LEPR: variants seen among roughly 807,000 people sequenced by gnomAD.
The protein encoded by LEPR is OB receptor.
Under a neutral mutation model 114.7 loss-of-function variants are expected in LEPR, and 56 were observed. That is an observed-to-expected ratio of 0.49 (90% CI 0.39 to 0.61). The LOEUF (loss-of-function observed/expected upper bound fraction) is 0.61. Ranked by LOEUF, LEPR falls within the 20% of genes least tolerant of loss-of-function variation. The probability of loss-of-function intolerance (pLI) is 0.00; values close to 1 mark genes in which losing one functional copy is unlikely to be tolerated. For missense variants in LEPR, 1,202 were observed against 1,352.9 expected, an observed-to-expected ratio of 0.89 and a Z score of 1.75; for synonymous variants, 443 against 461.4, an observed-to-expected ratio of 0.96 and a Z score of 0.51.
rs181911242 is a variant in LEPR, at chr1:65,516,956, C to T, written c.-20-48590C>T. Among the ~76,000 whole-genome samples, 6 of 152,258 alleles carry T rather than the reference C, an allele frequency of 3.9e-5. No homozygotes were observed. In the East Asian group the frequency reaches 7.7e-4, roughly 20 times the overall value. ...CAGAGCAATTGTAGCAACACGAAAT[C>T]GCAAAAGAAAGACAAAGCTTCATGG... On this transcript the variant is annotated intron_variant, in intron 2 of 19. Transcript: ENST00000349533.
At chr1:65,609,156 A>G (rs973408420) in intron 12 of LEPR, among the ~76,000 whole-genome samples, 14 of 152,348 alleles carry the variant, frequency 9.2e-5, no homozygotes, top group African/African-American at 3.1e-4. Context: ...TTAAATGGCT[A>G]AATCAGTTTA....
chr1:65,433,491 A>G, intron 2 of LEPR: 1 of 985,428 alleles, frequency 1.0e-6, no homozygotes, highest in Non-Finnish European at 1.2e-6. Context: ...GTCTTTAAGC[A>G]TTGTTAAAGT....
intron 2 of LEPR, among the ~76,000 whole-genome samples, chr1:65,449,994 A>C (rs1222443707): frequency 6.6e-6 from 1 of 152,056 alleles, no homozygotes; most frequent in Non-Finnish European, 1.5e-5. Context: ...AATTTCTCTG[A>C]GATTTCTCTT....
At chr1:65,606,366 T>A (rs2100953897) in intron 11 of LEPR, among the ~76,000 whole-genome samples, 1 of 152,262 alleles carries the variant, frequency 6.6e-6, no homozygotes, top group South Asian at 2.1e-4. Context: ...GTAACATATG[T>A]TACTTGAATA....
chr1:65,547,767 T>G (rs1193689462), intron 2 of LEPR, among the ~76,000 whole-genome samples: 1 of 127,018 alleles, frequency 7.9e-6, no homozygotes, highest in Non-Finnish European at 1.7e-5. Context: ...AGCTCCTGGA[T>G]TCATTAATTT....
At chr1:65,453,883 G>T (rs1646826098) in intron 2 of LEPR, among the ~76,000 whole-genome samples, 1 of 151,538 alleles carries the variant, frequency 6.6e-6, no homozygotes, top group African/African-American at 2.4e-5. Context: ...ACAGTGGGGT[G>T]TTAAAGTCTC....
At chr1:65,459,754 A>T (rs1184557219) in intron 2 of LEPR, among the ~76,000 whole-genome samples, 2 of 152,110 alleles carry the variant, frequency 1.3e-5, no homozygotes, top group Non-Finnish European at 2.9e-5. Context: ...ACCTATAATG[A>T]TTTACTCTCT....
At chr1:65,433,158 T>C in intron 2 of LEPR, 3 of 985,448 alleles carry the variant, frequency 3.0e-6, no homozygotes, top group Non-Finnish European at 3.6e-6. Context: ...CCCCAGCTCC[T>C]TCCCTCTGCC....
chr1:65,498,013 CCT>C (rs1352070868), intron 2 of LEPR, among the ~76,000 whole-genome samples: 1 of 152,068 alleles, frequency 6.6e-6, no homozygotes, highest in African/African-American at 2.4e-5. Flanking sequence ...GTTACTGTCC[CCT>C]GTCCCTGATA....
Position 65,420,750 on chromosome 1 carries a change from G to A in LEPR, c.-97+10G>A, listed in dbSNP as rs752047665. The A allele has an allele frequency of 1.3e-6, 2 of 1,579,946 alleles. No homozygotes were observed. Among genetic ancestry groups the A allele is most frequent in the Non-Finnish European group, 1.7e-6 (2 of 1,165,026 alleles). On this transcript the variant is annotated intron_variant, in intron 1 of 19. Transcript: ENST00000349533. ...ATGGCGGGCGTTAAAGGTACATCGC[G>A]GTCCCCGGCTCGCTTGTCGTGTGGT...
intron 2 of LEPR, among the ~76,000 whole-genome samples, chr1:65,470,430 G>A (rs1305065321): frequency 6.6e-6 from 1 of 152,134 alleles, no homozygotes; most frequent in Non-Finnish European, 1.5e-5. Flanking sequence ...ACTTAACATT[G>A]GTTCTAGTTC....
At chr1:65,611,186 C>G (rs189705612) in intron 14 of LEPR, among the ~76,000 whole-genome samples, 1 of 151,986 alleles carries the variant, frequency 6.6e-6, no homozygotes, top group Non-Finnish European at 1.5e-5. Flanking sequence ...TGTTATTGCT[C>G]TCTTTTCTTT....
chr1:65,604,457 G>T (rs1296786671), intron 10 of LEPR, among the ~76,000 whole-genome samples: 1 of 152,070 alleles, frequency 6.6e-6, no homozygotes, highest in East Asian at 1.9e-4. Flanking sequence ...CGATTCTCCT[G>T]CCTCAGCCTC....
intron 7 of LEPR, 75 bp downstream of exon 7, chr1:65,596,668 C>A: frequency 1.6e-6 from 2 of 1,275,158 alleles, no homozygotes; most frequent in South Asian, 2.5e-5. Context: ...TAGCAATTAC[C>A]CTCTGCATAC....
chr1:65,605,079 T>C lies in LEPR; in HGVS notation c.1445T>C (p.Ile482Thr). 1 of 1,614,002 alleles carries C rather than the reference T, an allele frequency of 6.2e-7. No individual in the cohort carries two copies. Among genetic ancestry groups the C allele is most frequent in the East Asian group, 2.2e-5 (1 of 44,870 alleles). The change falls in exon 11 of 20, where the codon ATA (isoleucine) becomes ACA (threonine). Residue 482 changes from isoleucine (I) to threonine (T), a missense_variant. Physicochemically the swap from Ile to Thr is moderately conservative, Grantham distance 89. Transcript: ENST00000349533. The part of the protein sequence containing the change: ...YCSDIPSIHP[I>T]SEPKDCYLQS... ...TCTGATATTCCATCTATTCATCCCA[T>C]ATCTGAGCCCAAAGATTGCTATTTG...
chr1:65,554,768 ACTC>A (rs1652693026), intron 2 of LEPR, among the ~76,000 whole-genome samples: 1 of 150,950 alleles, frequency 6.6e-6, no homozygotes, highest in South Asian at 2.1e-4. Flanking sequence ...GAAAAAAAAA[ACTC>A]CTGCAACTAG....
chr1:65,501,712 C>T (rs1011237691), intron 2 of LEPR, among the ~76,000 whole-genome samples: 8 of 151,880 alleles, frequency 5.3e-5, no homozygotes, highest in African/African-American at 1.7e-4. Flanking sequence ...TCTTAGGCTC[C>T]CTTCTCTCAG....
At chr1:65,459,509 A>G (rs1440717059) in intron 2 of LEPR, among the ~76,000 whole-genome samples, 1 of 152,104 alleles carries the variant, frequency 6.6e-6, no homozygotes, top group African/African-American at 2.4e-5. Flanking sequence ...GCAAGAACAA[A>G]CCAAAAAAGC....
chr1:65,535,668 GACACAACAAAC>G (rs1650719667), intron 2 of LEPR, among the ~76,000 whole-genome samples: 1 of 151,592 alleles, frequency 6.6e-6, no homozygotes, highest in Admixed American at 6.6e-5. Context: ...AAGTTTTGTT[GACACAACAAAC>G]AGGATGCAAA....
Sources: gnomAD v4.1 joint callset for allele counts (sites outside exome capture counted in the v4.1 genomes callset) on GRCh38, gnomAD v4.1.1 for gene constraint, MANE v1.5 for transcripts, NCBI Gene and HGNC (gene_info 2026-07-23, HGNC 2026-07-21) for gene names.